The following PDE4D variants were observed in gnomAD, a reference collection of about 807,000 sequenced individuals.
PDE4D encodes 3',5'-cyclic-AMP phosphodiesterase 4D.
Under a neutral mutation model 87.4 loss-of-function variants are expected in PDE4D, and 24 were observed. The observed-to-expected ratio is 0.27, with a 90% CI of 0.20 to 0.39. The LOEUF (loss-of-function observed/expected upper bound fraction) is 0.39. Among genes scored for constraint, PDE4D ranks in the 10% least tolerant of loss-of-function variants. PDE4D has a pLI of 1.00. For missense variants in PDE4D, 714 were observed against 1,041.0 expected, an observed-to-expected ratio of 0.69 and a Z score of 4.32; for synonymous variants, 384 against 383.2, an observed-to-expected ratio of 1.00 and a Z score of -0.02.
At chr5:60,391,876 C>T (rs545631236) in intron 1 of PDE4D, among the ~76,000 whole-genome samples, 39 of 152,298 alleles carry the variant, frequency 2.6e-4, no homozygotes, top group African/African-American at 9.1e-4. Flanking sequence ...AATTTGATAG[C>T]TGTGATGTTC....
At chr5:59,643,210 A>G (rs1196986178) in intron 1 of PDE4D, among the ~76,000 whole-genome samples, 1 of 152,190 alleles carries the variant, frequency 6.6e-6, no homozygotes, top group African/African-American at 2.4e-5. Context: ...TCCCAGCATA[A>G]GGAGGAGGGA....
chr5:59,858,918 C>T (rs753577057), intron 1 of PDE4D, among the ~76,000 whole-genome samples: 4 of 152,072 alleles, frequency 2.6e-5, no homozygotes, highest in Non-Finnish European at 5.9e-5. Flanking sequence ...GAGACTCTCA[C>T]GGAGGAACTA....
At chr5:59,078,066 T>C (rs530756972) in intron 5 of PDE4D, among the ~76,000 whole-genome samples, 1 of 152,308 alleles carries the variant, frequency 6.6e-6, no homozygotes, top group East Asian at 1.9e-4. Flanking sequence ...TCTTCTCTTA[T>C]ATCCATCTCC....
chr5:59,873,972 A>G (rs1052299521), intron 1 of PDE4D, among the ~76,000 whole-genome samples: 6 of 152,202 alleles, frequency 3.9e-5, no homozygotes, highest in Non-Finnish European at 7.3e-5. Flanking sequence ...GCACTGTGAG[A>G]GACTGAGGTG....
intron 1 of PDE4D, among the ~76,000 whole-genome samples, chr5:59,495,150 G>A (rs1806929039): frequency 6.6e-6 from 1 of 152,020 alleles, no homozygotes; most frequent in Admixed American, 6.6e-5. Flanking sequence ...GATCACTTCT[G>A]GATATAACTT....
intron 1 of PDE4D, among the ~76,000 whole-genome samples, chr5:59,887,798 T>C (rs1026814179): frequency 6.6e-6 from 1 of 152,158 alleles, no homozygotes; most frequent in African/African-American, 2.4e-5. Flanking sequence ...GTTTGTTTTC[T>C]GAAGTCATCT....
At chr5:59,703,558 A>T (rs1481459334) in intron 1 of PDE4D, 1 of 534,080 alleles carries the variant, frequency 1.9e-6, no homozygotes, top group South Asian at 1.4e-5. Flanking sequence ...TGCATATTGA[A>T]GGGGGTTCTG....
chr5:60,484,836 C>T (rs1018953739), intron 1 of PDE4D, among the ~76,000 whole-genome samples: 1 of 152,164 alleles, frequency 6.6e-6, no homozygotes, highest in Non-Finnish European at 1.5e-5. Flanking sequence ...ACATGTACAG[C>T]ACATTACAAA....
chr5:60,344,142 AG>A (rs1487431123), intron 1 of PDE4D, among the ~76,000 whole-genome samples: 1 of 152,070 alleles, frequency 6.6e-6, no homozygotes, highest in Non-Finnish European at 1.5e-5. Context: ...ACATAACAAT[AG>A]GTTAGACAAT....
chr5:59,065,121 C>G (rs1343489346), intron 5 of PDE4D, among the ~76,000 whole-genome samples: 1 of 132,584 alleles, frequency 7.5e-6, no homozygotes, highest in South Asian at 2.4e-4. Flanking sequence ...CACACACACA[C>G]ACATATACAA....
At chr5:60,271,619 G>C (rs1184130594) in intron 1 of PDE4D, among the ~76,000 whole-genome samples, 1 of 152,120 alleles carries the variant, frequency 6.6e-6, no homozygotes, top group Admixed American at 6.5e-5. Flanking sequence ...GAGAAAATAT[G>C]AGGAGAAGGT....
chr5:60,368,221 T>G (rs1760718227), intron 1 of PDE4D, among the ~76,000 whole-genome samples: 1 of 152,240 alleles, frequency 6.6e-6, no homozygotes, highest in African/African-American at 2.4e-5. Context: ...AGGCTTGTGT[T>G]CTGCAGTTTA....
At chr5:60,253,639 A>T (rs764432321) in intron 1 of PDE4D, among the ~76,000 whole-genome samples, 1 of 151,942 alleles carries the variant, frequency 6.6e-6, no homozygotes, top group Non-Finnish European at 1.5e-5. Context: ...CCAGCCTAAC[A>T]AAAGAATCCA....
chr5:59,162,392 A>G (rs1781234176), intron 5 of PDE4D, among the ~76,000 whole-genome samples: 1 of 148,870 alleles, frequency 6.7e-6, no homozygotes, highest in African/African-American at 2.5e-5. Context: ...TATGTTCAGA[A>G]CCTAATAAAT....
intron 1 of PDE4D, among the ~76,000 whole-genome samples, chr5:59,814,320 A>C (rs1481106632): frequency 3.3e-5 from 5 of 152,240 alleles, no homozygotes; most frequent in African/African-American, 1.2e-4. Flanking sequence ...CACAAAACTT[A>C]AAATATTTAT....
chr5:59,268,140 T>A (rs1003367438), intron 1 of PDE4D, among the ~76,000 whole-genome samples: 1 of 152,096 alleles, frequency 6.6e-6, no homozygotes, highest in Non-Finnish European at 1.5e-5. Context: ...TTTCTAACTC[T>A]TATTCTGAAG....
intron 5 of PDE4D, among the ~76,000 whole-genome samples, chr5:59,134,928 C>T (rs1225090282): frequency 6.6e-6 from 1 of 152,166 alleles, no homozygotes; most frequent in South Asian, 2.1e-4. Flanking sequence ...TCTGAAAAGG[C>T]ACATTTGCTG....
chr5:59,736,237 G>A (rs1405092345), intron 1 of PDE4D, among the ~76,000 whole-genome samples: 3 of 151,342 alleles, frequency 2.0e-5, no homozygotes, highest in Admixed American at 1.3e-4. Flanking sequence ...AAATATAAAG[G>A]GTAAACAAAC....
chr5:59,486,762 A>G (rs145525688), intron 1 of PDE4D, among the ~76,000 whole-genome samples: 7 of 152,166 alleles, frequency 4.6e-5, no homozygotes, highest in Non-Finnish European at 8.8e-5. Flanking sequence ...TACAAAGTAC[A>G]TAGGAGACAT....
Sources: gnomAD v4.1 joint callset for allele counts (sites outside exome capture counted in the v4.1 genomes callset) on GRCh38, gnomAD v4.1.1 for gene constraint, MANE v1.5 for transcripts, NCBI Gene and HGNC (gene_info 2026-07-23, HGNC 2026-07-21) for gene names.